Variants in RALYL observed in about 807,000 individuals in gnomAD.
RALYL encodes RALY RNA binding protein like.
In RALYL, 29 loss-of-function variants were observed where a neutral mutation model predicts 35.1. The observed-to-expected ratio is 0.83, with a 90% CI of 0.61 to 1.13. RALYL has a LOEUF of 1.13. Among genes scored for constraint, RALYL ranks in the 50% most tolerant of loss-of-function variants. RALYL has a pLI of 0.00. For synonymous variants in RALYL, 120 were observed against 127.6 expected, an observed-to-expected ratio of 0.94 and a Z score of 0.40; for missense variants, 359 against 360.4, an observed-to-expected ratio of 1.00 and a Z score of 0.03.
chr8:84,919,454 T>C (rs940275561), intron 8 of RALYL, among the ~76,000 whole-genome samples: 1 of 152,122 alleles, frequency 6.6e-6, no homozygotes, highest in East Asian at 1.9e-4. Flanking sequence ...AGTCTACTTA[T>C]GTTGTATAAT....
chr8:84,776,556 T>G (rs545121981), intron 3 of RALYL, among the ~76,000 whole-genome samples: 1 of 152,316 alleles, frequency 6.6e-6, no homozygotes, highest in Non-Finnish European at 1.5e-5. Context: ...AACCGAGAAA[T>G]TTTTATCAGA....
At chr8:84,816,032 CAAAAAAAAAAAAAAAAAAAA>C (rs1827206149) in intron 4 of RALYL, among the ~76,000 whole-genome samples, 1 of 84,196 alleles carries the variant, frequency 1.2e-5, no homozygotes, top group Non-Finnish European at 2.3e-5. Context: ...GACTCTGTCT[CAAAAAAAAAAAAAAAAAAAA>C]GAAAAAAAGA....
chr8:84,571,861 T>A (rs1299430202), intron 2 of RALYL, among the ~76,000 whole-genome samples: 1 of 151,900 alleles, frequency 6.6e-6, no homozygotes, highest in East Asian at 1.9e-4. Context: ...CTTAATTTCT[T>A]TATTTACCCA....
chr8:84,286,469 C>A (rs1336813035), intron 1 of RALYL, among the ~76,000 whole-genome samples: 2 of 152,120 alleles, frequency 1.3e-5, no homozygotes, highest in Admixed American at 1.3e-4. Flanking sequence ...TCTGGTGCAG[C>A]AAAGCTAAAC....
intron 1 of RALYL, among the ~76,000 whole-genome samples, chr8:84,358,669 G>A (rs1852344802): frequency 6.6e-6 from 1 of 152,048 alleles, no homozygotes; most frequent in African/African-American, 2.4e-5. Context: ...AGGCACTCCT[G>A]AAGTGCATAT....
intron 1 of RALYL, among the ~76,000 whole-genome samples, chr8:84,272,059 G>A (rs1834405597): frequency 6.6e-6 from 1 of 151,912 alleles, no homozygotes; most frequent in African/African-American, 2.4e-5. Context: ...AGTAGGAAAA[G>A]TGTGTACATG....
intron 8 of RALYL, among the ~76,000 whole-genome samples, chr8:84,913,076 A>G (rs894574531): frequency 1.3e-5 from 2 of 152,028 alleles, no homozygotes; most frequent in Admixed American, 6.6e-5. Context: ...AGATAGATAG[A>G]TAGATAGATA....
intron 6 of RALYL, among the ~76,000 whole-genome samples, chr8:84,863,064 GA>G (rs944624678): frequency 1.3e-5 from 2 of 152,048 alleles, no homozygotes; most frequent in Admixed American, 1.3e-4. Context: ...GAGTGATACA[GA>G]AAAAAATTTT....
At chr8:84,793,106 T>C (rs1309324980) in intron 3 of RALYL, among the ~76,000 whole-genome samples, 1 of 152,230 alleles carries the variant, frequency 6.6e-6, no homozygotes, top group Non-Finnish European at 1.5e-5. Context: ...ATTGAATATC[T>C]AATCTGGAGT....
At chr8:84,212,658 G>A (rs965535723) in intron 1 of RALYL, among the ~76,000 whole-genome samples, 5 of 152,102 alleles carry the variant, frequency 3.3e-5, no homozygotes, top group African/African-American at 9.7e-5. Flanking sequence ...TATAAGTGAG[G>A]TAAAGCAAAT....
intron 1 of RALYL, among the ~76,000 whole-genome samples, chr8:84,299,119 C>T (rs1044198771): frequency 6.6e-6 from 1 of 151,884 alleles, no homozygotes; most frequent in Non-Finnish European, 1.5e-5. Flanking sequence ...AGTGAGCATT[C>T]CTGTATTGTT....
chr8:84,516,458 T>G (rs1277851045), intron 1 of RALYL, among the ~76,000 whole-genome samples: 2 of 151,352 alleles, frequency 1.3e-5, no homozygotes, highest in Admixed American at 6.6e-5. Flanking sequence ...TAGAGCTGTA[T>G]AATATATTTA....
At chr8:84,820,478 C>T (rs1205106518) in intron 4 of RALYL, among the ~76,000 whole-genome samples, 1 of 152,328 alleles carries the variant, frequency 6.6e-6, no homozygotes, top group East Asian at 1.9e-4. Context: ...ACAGCCAGCA[C>T]TGTTTCCTTA....
chr8:84,487,706 T>A (rs1482305350), intron 1 of RALYL, among the ~76,000 whole-genome samples: 1 of 152,086 alleles, frequency 6.6e-6, no homozygotes, highest in Non-Finnish European at 1.5e-5. Context: ...AAAAATGGAC[T>A]GCAAAGCCTA....
At chr8:84,864,864 G>A in intron 6 of RALYL, 1 of 501,062 alleles carries the variant, frequency 2.0e-6, no homozygotes, top group East Asian at 4.4e-5. Context: ...CAGAAACAAG[G>A]GGCAGCCAGC....
chr8:84,774,597 AG>A lies in RALYL; in HGVS notation c.276del (p.Glu92AspfsTer62). The A allele has an allele frequency of 6.2e-7, 1 of 1,607,202 alleles. No individual in the cohort carries two copies. The part of the protein sequence containing the change: ...GQPLDINMAG[E>X]PKPYRPKPGN... ...CTTTCAGATATCAACATGGCAGGAGAGCCCAAACCATACAGACCAAAACCTG... is the reference window on the plus strand; with the variant it reads ...CTTTCAGATATCAACATGGCAGGAGACCCAAACCATACAGACCAAAACCTG... On this transcript the variant is annotated frameshift_variant, in exon 3 of 9. Transcript: ENST00000521268. LOFTEE classifies it high-confidence loss of function.
intron 2 of RALYL, among the ~76,000 whole-genome samples, chr8:84,617,988 G>A (rs1417462467): frequency 4.6e-5 from 7 of 151,886 alleles, no homozygotes; most frequent in Middle Eastern, 3.4e-3. Context: ...TGCTGGATTC[G>A]TTTTGCCAGC....
At chr8:84,579,674 CT>C (rs1263396421) in intron 2 of RALYL, among the ~76,000 whole-genome samples, 1 of 152,158 alleles carries the variant, frequency 6.6e-6, no homozygotes, top group Non-Finnish European at 1.5e-5. Flanking sequence ...ATTTTAGTTA[CT>C]TGGGTTATAT....
intron 1 of RALYL, among the ~76,000 whole-genome samples, chr8:84,524,102 C>T (rs2058693050): frequency 6.6e-6 from 1 of 152,040 alleles, no homozygotes; most frequent in South Asian, 2.1e-4. Flanking sequence ...CTGACTTCCA[C>T]AATGGTTGAA....
Sources: gnomAD v4.1 joint callset for allele counts (sites outside exome capture counted in the v4.1 genomes callset) on GRCh38, gnomAD v4.1.1 for gene constraint, MANE v1.5 for transcripts, NCBI Gene and HGNC (gene_info 2026-07-23, HGNC 2026-07-21) for gene names.